Variants in DOCK1 observed in about 807,000 individuals in gnomAD.
DOCK1 encodes dedicator of cytokinesis protein 1.
DOCK1 carries 138 observed loss-of-function variants against 262.7 expected under a neutral mutation model. The observed-to-expected ratio is 0.53, with a 90% CI of 0.46 to 0.61. The LOEUF (loss-of-function observed/expected upper bound fraction) is 0.61. DOCK1 is among the 20% of genes least tolerant of loss of function. The pLI is 0.00. For synonymous variants in DOCK1, 866 were observed against 867.4 expected, an observed-to-expected ratio of 1.00 and a Z score of 0.03; for missense variants, 1,908 against 2,370.7, an observed-to-expected ratio of 0.80 and a Z score of 4.05.
chr10:127,039,095 G>T (rs2043848630), intron 19 of DOCK1, among the ~76,000 whole-genome samples: 1 of 152,162 alleles, frequency 6.6e-6, no homozygotes, highest in Non-Finnish European at 1.5e-5. Context: ...CCAGCAGTGT[G>T]CTTCACTTCA....
rs540013338 is a variant in DOCK1 at position 127,252,679 on chromosome 10, C to T, written c.2949+4570C>T. ...CATTGCTTGTTTTTCTCAGGTTTGT[C>T]AAAGATCAGGTAGTTGTAGATATGT... On this transcript the variant is annotated intron_variant, in intron 28 of 51. Coordinates refer to ENST00000623213, the MANE Select transcript of DOCK1 (RefSeq NM_001290223.2). Among the ~76,000 whole-genome samples the T allele has an allele frequency of 2.0e-5, 3 of 150,866 alleles. No individual in the cohort carries two copies. The South Asian group carries it at 6.5e-4, about 33-fold the overall frequency.
At position 127,175,640 on chromosome 10, in the gene DOCK1, C is replaced by G. The variant is rs1379599262; in HGVS notation, c.2847+47876C>G. The G allele has an allele frequency of 5.0e-6, 8 of 1,613,322 alleles. No homozygotes were observed. The East Asian group carries it at 1.6e-4, about 31-fold the overall frequency. ...GGGCAGGTGCGTAAACGGTGGCAACCTCCGTTTTAAACACCCTCCTGAGGG... is the reference window on the plus strand; with the variant it reads ...GGGCAGGTGCGTAAACGGTGGCAACGTCCGTTTTAAACACCCTCCTGAGGG... On this transcript the variant is annotated intron_variant, in intron 27 of 51. Coordinates refer to ENST00000623213, the MANE Select transcript of DOCK1 (RefSeq NM_001290223.2). The surrounding 1 kb of genome is among the most constrained non-coding windows in gnomAD (Gnocchi z 6.3).
At chr10:127,273,205 G>A (rs1034310194) in intron 29 of DOCK1, among the ~76,000 whole-genome samples, 10 of 152,252 alleles carry the variant, frequency 6.6e-5, no homozygotes, top group African/African-American at 2.4e-4. Flanking sequence ...CTGCAACTGA[G>A]ATGCAGTGGG....
At chr10:126,946,974 G>A (rs2134304494) in intron 1 of DOCK1, among the ~76,000 whole-genome samples, 2 of 152,326 alleles carry the variant, frequency 1.3e-5, no homozygotes, top group East Asian at 3.9e-4. Context: ...AATGCAGTGA[G>A]AATGCAGGTC....
At chr10:127,144,508 G>T (rs1358517359) in intron 27 of DOCK1, among the ~76,000 whole-genome samples, 1 of 152,192 alleles carries the variant, frequency 6.6e-6, no homozygotes, top group Non-Finnish European at 1.5e-5. Flanking sequence ...CTATTTGTTT[G>T]TTGAATTACA....
intron 47 of DOCK1, among the ~76,000 whole-genome samples, chr10:127,429,257 T>G (rs979586258): frequency 2.0e-5 from 3 of 152,082 alleles, no homozygotes; most frequent in African/African-American, 7.2e-5. Context: ...TTTTCCACCC[T>G]GAGATACTTT....
At chr10:127,031,555 T>A (rs1782963912) in intron 16 of DOCK1, 95 bp from the exon 17 acceptor site, 1 of 937,410 alleles carries the variant, frequency 1.1e-6, no homozygotes, top group African/African-American at 1.6e-5. Flanking sequence ...ATTTTGTAAT[T>A]GTTTTCATAA....
chr10:126,958,143 A>C (rs1367989416), intron 1 of DOCK1, among the ~76,000 whole-genome samples: 6 of 152,194 alleles, frequency 3.9e-5, no homozygotes, highest in African/African-American at 1.4e-4. Flanking sequence ...AGAATTATAT[A>C]AAAGTCACTG....
chr10:126,983,969 C>T (rs573024962), intron 4 of DOCK1, among the ~76,000 whole-genome samples: 1 of 152,320 alleles, frequency 6.6e-6, no homozygotes, highest in African/African-American at 2.4e-5. Context: ...GCCTTGGACA[C>T]GTTGGTCCTT....
At chr10:127,038,924 G>T (rs2043837571) in intron 19 of DOCK1, among the ~76,000 whole-genome samples, 1 of 152,164 alleles carries the variant, frequency 6.6e-6, no homozygotes, top group South Asian at 2.1e-4. Context: ...TTGGCTATGG[G>T]ACGATAAGGG....
rs1252425521 is a variant in DOCK1 at position 127,238,271 on chromosome 10, C to CA, written c.2848-9730dup. 7.2e-5 allele frequency among the ~76,000 whole-genome samples: 11 copies of CA among 151,932 alleles called. 1 individual carries two copies. In the East Asian group the frequency reaches 1.4e-3, roughly 19 times the overall value. ...TTTCCTCATGATGGAACATTTTTGGCAAAAAAAGTAACTACTTAAGTGATC... is the reference window on the plus strand; with the variant it reads ...TTTCCTCATGATGGAACATTTTTGGCAAAAAAAAGTAACTACTTAAGTGATC... On this transcript the variant is annotated intron_variant, in intron 27 of 51. Coordinates refer to ENST00000623213, the MANE Select transcript of DOCK1 (RefSeq NM_001290223.2).
chr10:127,247,711 A>G (rs958379538), intron 27 of DOCK1, among the ~76,000 whole-genome samples: 2 of 152,200 alleles, frequency 1.3e-5, no homozygotes, highest in Admixed American at 6.5e-5. Context: ...TTTCTCATTC[A>G]TGTTACTGTG....
intron 36 of DOCK1, 72 bp downstream of exon 36, chr10:127,380,194 A>G (rs1366385714): frequency 2.5e-6 from 3 of 1,207,204 alleles, no homozygotes; most frequent in Non-Finnish European, 3.4e-6. Flanking sequence ...ACGTATGCTA[A>G]GAAATGTGTT....
At chr10:127,133,412 G>T (rs1165525405) in intron 27 of DOCK1, among the ~76,000 whole-genome samples, 1 of 152,150 alleles carries the variant, frequency 6.6e-6, no homozygotes, top group Non-Finnish European at 1.5e-5. Flanking sequence ...GACAGTGTCT[G>T]GGTTTTGTAT....
At chr10:126,993,921 G>A (rs151105346) in intron 6 of DOCK1, among the ~76,000 whole-genome samples, 1 of 152,310 alleles carries the variant, frequency 6.6e-6, no homozygotes, top group East Asian at 1.9e-4. Flanking sequence ...AAGTCTCAGG[G>A]TAGTTTTTTA....
chr10:127,091,838 G>A (rs118067331), intron 23 of DOCK1, among the ~76,000 whole-genome samples: 419 of 152,250 alleles, frequency 2.8e-3, no homozygotes, highest in African/African-American at 9.5e-3. Context: ...CCTGTGCACC[G>A]ACTGCATGCT....
chr10:126,960,164 T>G (rs2037085544), intron 1 of DOCK1, among the ~76,000 whole-genome samples: 1 of 152,210 alleles, frequency 6.6e-6, no homozygotes, highest in Non-Finnish European at 1.5e-5. Context: ...TTTTACTGCC[T>G]TGACTTCCTC....
intron 18 of DOCK1, among the ~76,000 whole-genome samples, chr10:127,032,981 G>A (rs970017252): frequency 1.3e-5 from 2 of 152,158 alleles, no homozygotes; most frequent in African/African-American, 4.8e-5. Context: ...ACCTGGAATC[G>A]GACCATAGCC....
chr10:127,047,285 A>G (rs1591802182), intron 21 of DOCK1, among the ~76,000 whole-genome samples: 1 of 152,216 alleles, frequency 6.6e-6, no homozygotes, highest in African/African-American at 2.4e-5. Context: ...TACTGCCTCT[A>G]TCATTTAAAA....
Sources: allele counts gnomAD v4.1 joint callset (sites outside exome capture counted in the v4.1 genomes callset), GRCh38; gene constraint gnomAD v4.1.1; non-coding constraint Gnocchi (gnomAD v3.1); transcripts MANE v1.5; gene names NCBI Gene and HGNC (gene_info 2026-07-23, HGNC 2026-07-21).